The following LRMDA variants were observed in gnomAD, a reference collection of about 807,000 sequenced individuals.
The protein encoded by LRMDA is leucine rich melanocyte differentiation associated.
LRMDA carries 18 observed loss-of-function variants against 29.8 expected under a neutral mutation model. The observed-to-expected ratio is 0.60, with a 90% CI of 0.42 to 0.90. The LOEUF (loss-of-function observed/expected upper bound fraction) is 0.90. Ranked by LOEUF, LRMDA falls within the 40% of genes least tolerant of loss-of-function variation. The pLI, the probability that LRMDA is intolerant of heterozygous loss-of-function variation, is 0.00. For synonymous variants in LRMDA, 125 were observed against 109.4 expected (o/e 1.14, Z -0.89); for missense variants, 273 against 273.9 (o/e 1.00, Z 0.02).
At chr10:75,954,615 C>T (rs1846634120) in intron 2 of LRMDA, among the ~76,000 whole-genome samples, 1 of 152,162 alleles carries the variant, frequency 6.6e-6, no homozygotes. Context: ...TCAACTGTAA[C>T]CCCTAGGGTT....
chr10:75,598,422 C>A (rs1840829949), intron 2 of LRMDA, among the ~76,000 whole-genome samples: 1 of 152,040 alleles, frequency 6.6e-6, no homozygotes, highest in Non-Finnish European at 1.5e-5. Flanking sequence ...CCTGGCCTTA[C>A]CTCTCTTTTA....
chr10:75,640,887 C>T (rs918946601), intron 2 of LRMDA, among the ~76,000 whole-genome samples: 1 of 152,172 alleles, frequency 6.6e-6, no homozygotes, highest in Non-Finnish European at 1.5e-5. Context: ...CAGTTTGGGG[C>T]CTGGGCCACT....
chr10:75,667,543 C>A (rs941116804), intron 2 of LRMDA, among the ~76,000 whole-genome samples: 8 of 152,154 alleles, frequency 5.3e-5, no homozygotes, highest in Admixed American at 2.0e-4. Flanking sequence ...CAAAAGAATC[C>A]TCCTACCTTG....
In LRMDA at chr10:76,321,532, CTT is replaced by C. The variant is rs79862487; in HGVS notation, c.517-2857_517-2856del. Reference sequence around the variant, plus strand: ...ATTTTTCTATTGATTTAAAGACATTCTTTTTTTTTTTTTAAATTTGGATACTA... The same window carrying C: ...ATTTTTCTATTGATTTAAAGACATTCTTTTTTTTTTTAAATTTGGATACTA... On this transcript the variant is annotated intron_variant, in intron 5 of 6. Transcript: ENST00000611255. Among the ~76,000 whole-genome samples, 331 of 145,732 alleles carry C rather than the reference CTT, an allele frequency of 2.3e-3. 1 individual carries two copies. Among genetic ancestry groups the C allele is most frequent in the African/African-American group, 7.6e-3 (309 of 40,714 alleles).
At chr10:76,179,915 G>A (rs1851011926) in intron 5 of LRMDA, among the ~76,000 whole-genome samples, 1 of 152,168 alleles carries the variant, frequency 6.6e-6, no homozygotes, top group African/African-American at 2.4e-5. Flanking sequence ...CCATCAAATA[G>A]GGAGGTAAGT....
At chr10:75,747,497 T>C (rs568062612) in intron 2 of LRMDA, among the ~76,000 whole-genome samples, 1 of 152,286 alleles carries the variant, frequency 6.6e-6, no homozygotes, top group East Asian at 1.9e-4. Flanking sequence ...GAAGAAGAAA[T>C]AACACAATTG....
Position 75,747,737 on chromosome 10 carries a change from C to T in LRMDA, c.132-288271C>T, listed in dbSNP as rs180674038. 1.1e-3 allele frequency among the ~76,000 whole-genome samples: 168 copies of T among 152,226 alleles called. 1 individual carries two copies. Among genetic ancestry groups the T allele is most frequent in the Non-Finnish European group, 1.9e-3 (131 of 68,006 alleles). On this transcript the variant is annotated intron_variant, in intron 2 of 6. Coordinates refer to ENST00000611255, the MANE Select transcript of LRMDA (RefSeq NM_001305581.2). ...CTTCAGAATCTAGCCCTTCATTTTA[C>T]GTGAGAAGAAAGAAAAGTCCCAAGA...
chr10:76,007,534 G>T (rs1057430036), intron 2 of LRMDA, among the ~76,000 whole-genome samples: 1 of 152,144 alleles, frequency 6.6e-6, no homozygotes, highest in African/African-American at 2.4e-5. Context: ...ATTTACTGTG[G>T]TGCTGAAAGC....
intron 2 of LRMDA, among the ~76,000 whole-genome samples, chr10:75,795,803 T>C (rs1016430097): frequency 1.1e-4 from 16 of 152,208 alleles, no homozygotes; most frequent in Admixed American, 2.0e-4. Flanking sequence ...GGGGTTTTGA[T>C]TGGGATTTTA....
chr10:76,331,078 C>T (rs1465272300), intron 6 of LRMDA, among the ~76,000 whole-genome samples: 1 of 152,120 alleles, frequency 6.6e-6, no homozygotes, highest in Non-Finnish European at 1.5e-5. Context: ...CGAGACCAGC[C>T]TGGCCAACAT....
At chr10:76,271,360 A>C (rs1010750593) in intron 5 of LRMDA, among the ~76,000 whole-genome samples, 4 of 152,034 alleles carry the variant, frequency 2.6e-5, no homozygotes, top group South Asian at 4.1e-4. Context: ...GTAAGTCAAG[A>C]TCATGCCACT....
chr10:75,953,946 C>A (rs1846621306), intron 2 of LRMDA, among the ~76,000 whole-genome samples: 1 of 152,136 alleles, frequency 6.6e-6, no homozygotes, highest in Non-Finnish European at 1.5e-5. Context: ...TCTGAAAGCG[C>A]AGAACTTTCT....
At chr10:75,889,374 T>G (rs772353261) in intron 2 of LRMDA, among the ~76,000 whole-genome samples, 12 of 152,198 alleles carry the variant, frequency 7.9e-5, no homozygotes, top group Non-Finnish European at 1.8e-4. Context: ...CTTCAGCTAT[T>G]GTCTTGAGTT....
chr10:76,094,459 T>A (rs1206471740), intron 5 of LRMDA, among the ~76,000 whole-genome samples: 1 of 152,204 alleles, frequency 6.6e-6, no homozygotes, highest in Admixed American at 6.5e-5. Flanking sequence ...TTAGGAACAC[T>A]ACATATGGTG....
At chr10:75,807,530 G>A (rs1045208544) in intron 2 of LRMDA, among the ~76,000 whole-genome samples, 5 of 152,222 alleles carry the variant, frequency 3.3e-5, no homozygotes, top group South Asian at 4.1e-4. Flanking sequence ...GTGTGTAAAG[G>A]GAATTTTGCA....
At chr10:76,229,551 C>T (rs1018746060) in intron 5 of LRMDA, among the ~76,000 whole-genome samples, 4 of 152,084 alleles carry the variant, frequency 2.6e-5, no homozygotes, top group African/African-American at 9.7e-5. Flanking sequence ...GAGGAACTTC[C>T]CTTAGTCAGA....
intron 2 of LRMDA, among the ~76,000 whole-genome samples, chr10:75,883,717 A>C (rs1289704475): frequency 6.6e-6 from 1 of 151,810 alleles, no homozygotes; most frequent in Admixed American, 6.6e-5. Flanking sequence ...GAGGGAATGA[A>C]AGGAGGAGGG....
intron 2 of LRMDA, among the ~76,000 whole-genome samples, chr10:75,523,036 C>A (rs1183542257): frequency 6.6e-6 from 1 of 152,216 alleles, no homozygotes; most frequent in Non-Finnish European, 1.5e-5. Flanking sequence ...AGTAGTGCAG[C>A]CTTGGACAAT....
intron 2 of LRMDA, among the ~76,000 whole-genome samples, chr10:75,899,977 A>G (rs1172591305): frequency 1.3e-5 from 2 of 152,242 alleles, no homozygotes; most frequent in South Asian, 4.1e-4. Context: ...GCAGAACAGT[A>G]GTTCTCCAGC....
Sources: allele counts gnomAD v4.1 joint callset (sites outside exome capture counted in the v4.1 genomes callset), GRCh38; gene constraint gnomAD v4.1.1; transcripts MANE v1.5; gene names NCBI Gene and HGNC (gene_info 2026-07-23, HGNC 2026-07-21).